Variants in MATN2 observed in about 807,000 individuals in gnomAD.
MATN2 encodes matrilin-2.
In MATN2, 69 loss-of-function variants were observed where a neutral mutation model predicts 103.2. The ratio of observed to expected loss-of-function variants is 0.67; its 90% confidence interval spans 0.55 to 0.82. The LOEUF (loss-of-function observed/expected upper bound fraction) is 0.82. Among genes scored for constraint, MATN2 ranks in the 40% least tolerant of loss-of-function variants. MATN2 has a pLI of 0.00. For synonymous variants in MATN2, 429 were observed against 450.2 expected (o/e 0.95, Z 0.60); for missense variants, 1,023 against 1,211.5 (o/e 0.84, Z 2.31).
At chr8:97,893,096 A>G (rs1818684427) in intron 2 of MATN2, among the ~76,000 whole-genome samples, 1 of 152,216 alleles carries the variant, frequency 6.6e-6, no homozygotes, top group South Asian at 2.1e-4. Flanking sequence ...TAAGCAGTCA[A>G]CAGTGGGTGT....
At chr8:98,017,836 A>G (rs1361771821) in intron 11 of MATN2, among the ~76,000 whole-genome samples, 158 bp from the exon 12 acceptor site, 2 of 152,246 alleles carry the variant, frequency 1.3e-5, no homozygotes, top group Admixed American at 1.3e-4. Context: ...TAGAGCCGCT[A>G]AACTTTGTTC....
chr8:97,974,224 C>T (rs1811758687), intron 5 of MATN2, among the ~76,000 whole-genome samples: 1 of 151,432 alleles, frequency 6.6e-6, no homozygotes, highest in South Asian at 2.1e-4. Flanking sequence ...CTGCAACCTC[C>T]ACCTCCTGGG....
chr8:97,872,355 C>T (rs1238735276), intron 1 of MATN2, among the ~76,000 whole-genome samples: 1 of 152,156 alleles, frequency 6.6e-6, no homozygotes, highest in Non-Finnish European at 1.5e-5. Context: ...TCAGAGGAAC[C>T]TTTATCTACT....
intron 2 of MATN2, among the ~76,000 whole-genome samples, chr8:97,930,136 G>A (rs187148347): frequency 2.6e-5 from 4 of 152,278 alleles, no homozygotes; most frequent in Non-Finnish European, 5.9e-5. Flanking sequence ...GTCAGCTCAC[G>A]TCCCATCTCC....
Position 98,003,927 on chromosome 8 carries a change from C to A in MATN2, c.1327+144C>A. The A allele has an allele frequency of 3.4e-6, 3 of 886,992 alleles. No homozygotes were observed. The Admixed American group carries it at 6.3e-5, about 19-fold the overall frequency. 54.9% of individuals were successfully genotyped at this position (886,992 alleles called of 1,614,324 possible). A position where few individuals can be genotyped will look rare whatever the true frequency, so the allele number is the denominator to read the frequency against. On this transcript the variant is annotated intron_variant, in intron 8 of 18. Coordinates refer to ENST00000254898, the MANE Select transcript of MATN2 (RefSeq NM_002380.5). ...GTGTATCCTTCCTTATCCTCAGTTT[C>A]ATCACCCATAGAATGTGACTATTAA...
chr8:97,958,850 C>G (rs975735271), intron 4 of MATN2, among the ~76,000 whole-genome samples: 4 of 152,192 alleles, frequency 2.6e-5, no homozygotes, highest in African/African-American at 9.6e-5. Flanking sequence ...AGCCTGTGTG[C>G]AGAGATCCCT....
chr8:97,887,275 T>G (rs963058773), intron 1 of MATN2, among the ~76,000 whole-genome samples: 1 of 152,114 alleles, frequency 6.6e-6, no homozygotes, highest in Non-Finnish European at 1.5e-5. Flanking sequence ...TTCAAACTTC[T>G]GGCATCAAGC....
chr8:97,988,936 T>TTA (rs370788926), intron 6 of MATN2, among the ~76,000 whole-genome samples: 15 of 152,186 alleles, frequency 9.9e-5, no homozygotes, highest in African/African-American at 3.6e-4. Flanking sequence ...CTGCAAAAGT[T>TTA]ATTTAAACAG....
At chr8:97,983,307 C>T (rs748109513) in intron 6 of MATN2, among the ~76,000 whole-genome samples, 5 of 152,160 alleles carry the variant, frequency 3.3e-5, no homozygotes, top group Non-Finnish European at 7.3e-5. Flanking sequence ...CTCCTTCCAC[C>T]TTTTGCCTAT....
intron 2 of MATN2, among the ~76,000 whole-genome samples, chr8:97,909,838 C>G (rs1011033220): frequency 2.0e-5 from 3 of 151,322 alleles, no homozygotes; most frequent in Non-Finnish European, 2.9e-5. Context: ...GGCTGGAGTA[C>G]AGTGGCGTGA....
chr8:97,958,251 G>A (rs2512033), intron 4 of MATN2, among the ~76,000 whole-genome samples: 45,976 of 152,122 alleles, frequency 0.3, 8,330 homozygotes, highest in East Asian at 0.4. Context: ...TGGTAGGTAG[G>A]GTTCCTGCCA....
At chr8:97,958,157 G>A (rs775524489) in intron 4 of MATN2, among the ~76,000 whole-genome samples, 4 of 152,178 alleles carry the variant, frequency 2.6e-5, no homozygotes, top group African/African-American at 9.7e-5. Flanking sequence ...TATTATAAAA[G>A]TTCCTGTTAG....
chr8:97,952,911 T>C (rs981694094), intron 4 of MATN2, among the ~76,000 whole-genome samples: 2 of 146,088 alleles, frequency 1.4e-5, no homozygotes, highest in African/African-American at 5.1e-5. Flanking sequence ...TTCATGTTTG[T>C]AGGGATTTTT....
intron 1 of MATN2, among the ~76,000 whole-genome samples, chr8:97,886,802 T>C (rs1428238764): frequency 6.6e-6 from 1 of 152,178 alleles, no homozygotes; most frequent in African/African-American, 2.4e-5. Context: ...GAAAGAACTA[T>C]GGCATTTCAT....
At chr8:97,925,356 T>C (rs1228732781) in intron 2 of MATN2, among the ~76,000 whole-genome samples, 2 of 152,066 alleles carry the variant, frequency 1.3e-5, no homozygotes, top group Non-Finnish European at 2.9e-5. Context: ...AAGACTGAAA[T>C]ATAGAAGCAT....
chr8:97,995,201 A>C (rs1243179046), intron 7 of MATN2, among the ~76,000 whole-genome samples: 2 of 152,124 alleles, frequency 1.3e-5, no homozygotes, highest in Non-Finnish European at 2.9e-5. Flanking sequence ...CTTAAGACAA[A>C]CCATTCCTGA....
chr8:98,035,792 T>TCTG lies in MATN2; in HGVS notation c.*80_*81insCTG. The TCTG allele has an allele frequency of 1.2e-6, 1 of 819,076 alleles. No individual in the cohort carries two copies. The highest frequency in any genetic ancestry group is 1.9e-6 in the Non-Finnish European group (1 of 531,074). The allele number at this position is 819,076 out of a possible 1,614,324, so 50.7% of individuals were successfully genotyped here. A position where few individuals can be genotyped will look rare whatever the true frequency, so the allele number is the denominator to read the frequency against. On this transcript the variant is annotated 3_prime_UTR_variant, in exon 19 of 19. Coordinates refer to ENST00000254898, the MANE Select transcript of MATN2 (RefSeq NM_002380.5). Reference sequence around the variant, plus strand: ...CAGTGCAGAGCCCCAAAGCTCAGGCTATTGTTAAATCAATAATGTTGTGAA... The same window carrying TCTG: ...CAGTGCAGAGCCCCAAAGCTCAGGCTCTGATTGTTAAATCAATAATGTTGTGAA...
intron 4 of MATN2, among the ~76,000 whole-genome samples, chr8:97,954,401 A>G (rs528652165): frequency 6.6e-6 from 1 of 152,334 alleles, no homozygotes. Flanking sequence ...TTTGTTTACT[A>G]TCAATCTTCT....
intron 5 of MATN2, among the ~76,000 whole-genome samples, chr8:97,963,943 G>A (rs142259676): frequency 6.6e-6 from 1 of 152,312 alleles, no homozygotes; most frequent in Non-Finnish European, 1.5e-5. Context: ...TAGGGCTATG[G>A]TGAGTACAAC....
Sources: gnomAD v4.1 joint callset for allele counts (sites outside exome capture counted in the v4.1 genomes callset) on GRCh38, gnomAD v4.1.1 for gene constraint, MANE v1.5 for transcripts, NCBI Gene and HGNC (gene_info 2026-07-23, HGNC 2026-07-21) for gene names.